Variants in WWOX observed in about 807,000 individuals in gnomAD.
WWOX encodes WW domain containing oxidoreductase, also known as WW domain-containing oxidoreductase.
A neutral mutation model predicts 46.2 loss-of-function variants in WWOX; 69 were observed. That is an observed-to-expected ratio of 1.49 (90% CI 1.23 to 1.82). The LOEUF is 1.82. Ranked by LOEUF, WWOX falls within the 40% of genes most tolerant of loss-of-function variation. The pLI is 0.00. For synonymous variants in WWOX, 359 were observed against 202.6 expected (o/e 1.77, Z -6.56); for missense variants, 919 against 542.6 (o/e 1.69, Z -6.89).
intron 8 of WWOX, among the ~76,000 whole-genome samples, chr16:78,595,395 ACTC>A (rs1452082272): frequency 1.8e-5 from 2 of 112,730 alleles, no homozygotes; most frequent in East Asian, 5.5e-4. Context: ...CAGCCACAAG[ACTC>A]CTGCCTCCCT....
intron 8 of WWOX, among the ~76,000 whole-genome samples, chr16:78,665,231 C>A (rs1031897926): frequency 2.0e-5 from 3 of 152,138 alleles, no homozygotes; most frequent in Non-Finnish European, 4.4e-5. Context: ...GAGTCACGGG[C>A]TGAATTCCGG....
chr16:79,014,437 C>T (rs757818747), intron 8 of WWOX, among the ~76,000 whole-genome samples: 9 of 152,142 alleles, frequency 5.9e-5, no homozygotes, highest in African/African-American at 1.7e-4. Flanking sequence ...TTTCCTGGAT[C>T]GTCCCTCAAT....
At chr16:78,957,710 C>T (rs1218449102) in intron 8 of WWOX, among the ~76,000 whole-genome samples, 1 of 152,164 alleles carries the variant, frequency 6.6e-6, no homozygotes, top group Non-Finnish European at 1.5e-5. Context: ...TGTATGTGAA[C>T]CTCTCCGTTA....
intron 8 of WWOX, among the ~76,000 whole-genome samples, chr16:78,716,495 G>A (rs1302358842): frequency 6.6e-6 from 1 of 152,156 alleles, no homozygotes; most frequent in Non-Finnish European, 1.5e-5. Flanking sequence ...AGAGGAAGAT[G>A]ATGCACTGCT....
rs538678433 is a variant in WWOX, at chr16:78,336,406, T to C, written c.517-50454T>C. The stretch of plus-strand genomic sequence containing the variant: ...CTATAGTCCCAGCTATTTGGGAGGC[T>C]GAGGCAGGAGAATCTCTTGAATCCA... On this transcript the variant is annotated intron_variant, in intron 5 of 8. Transcript: ENST00000566780. 1.3e-4 allele frequency among the ~76,000 whole-genome samples: 19 copies of C among 147,148 alleles called. No homozygotes were observed. The South Asian group carries it at 3.8e-3, about 30-fold the overall frequency.
intron 8 of WWOX, chr16:78,996,096 A>G: frequency 1.7e-6 from 1 of 577,586 alleles, no homozygotes; most frequent in Non-Finnish European, 2.2e-6. Flanking sequence ...AAATGAAATC[A>G]GAACGTGGCC....
intron 8 of WWOX, among the ~76,000 whole-genome samples, chr16:78,903,592 G>C (rs1302281172): frequency 6.6e-6 from 1 of 152,208 alleles, no homozygotes; most frequent in Non-Finnish European, 1.5e-5. Flanking sequence ...GGCGTGGAAA[G>C]TTAAGGGTTT....
At position 78,520,346 on chromosome 16, in the gene WWOX, G is replaced by C. The variant is rs144301112; in HGVS notation, c.1056+87594G>C. ...CTTAAGGATACGCACATTAGAAGGA[G>C]TAATTTGACCAGCCCATCACAGTAT... On this transcript the variant is annotated intron_variant, in intron 8 of 8. Coordinates refer to ENST00000566780, the MANE Select transcript of WWOX (RefSeq NM_016373.4). Among the ~76,000 whole-genome samples the C allele has an allele frequency of 2.6e-5, 4 of 152,288 alleles. No individual in the cohort carries two copies. In the East Asian group the frequency reaches 7.7e-4, roughly 29 times the overall value.
At chr16:78,430,550 C>G (rs556456893) in intron 7 of WWOX, among the ~76,000 whole-genome samples, 50 of 152,200 alleles carry the variant, frequency 3.3e-4, no homozygotes, top group African/African-American at 1.1e-3. Flanking sequence ...ATCTGCCATC[C>G]CTGCTACCAT....
intron 8 of WWOX, among the ~76,000 whole-genome samples, chr16:78,921,873 A>T (rs1286518139): frequency 6.6e-6 from 1 of 152,218 alleles, no homozygotes; most frequent in Non-Finnish European, 1.5e-5. Flanking sequence ...GACTTGTGGC[A>T]CTTAGCAGAA....
At chr16:79,102,087 G>C (rs373012107) in intron 8 of WWOX, among the ~76,000 whole-genome samples, 5 of 130,154 alleles carry the variant, frequency 3.8e-5, no homozygotes, top group Admixed American at 1.5e-4. Context: ...TGGGGAGGGT[G>C]GGGCGGGGGT....
intron 8 of WWOX, among the ~76,000 whole-genome samples, chr16:78,800,109 A>G (rs1471559061): frequency 1.3e-5 from 2 of 152,318 alleles, no homozygotes; most frequent in East Asian, 3.9e-4. Context: ...GTCACGGTTC[A>G]TAAATTTTAT....
At chr16:78,607,314 T>G (rs2151625746) in intron 8 of WWOX, among the ~76,000 whole-genome samples, 1 of 152,330 alleles carries the variant, frequency 6.6e-6, no homozygotes, top group Admixed American at 6.5e-5. Context: ...GGGGCTCCTG[T>G]GAGTACGTAA....
intron 5 of WWOX, among the ~76,000 whole-genome samples, chr16:78,210,330 T>C (rs2036519840): frequency 6.6e-6 from 1 of 152,196 alleles, no homozygotes; most frequent in Non-Finnish European, 1.5e-5. Context: ...TCGATACCAC[T>C]GAGGATTTTT....
chr16:78,484,498 A>G (rs1247103345), intron 8 of WWOX, among the ~76,000 whole-genome samples: 2 of 152,244 alleles, frequency 1.3e-5, no homozygotes, highest in African/African-American at 4.8e-5. Flanking sequence ...CATTACAGTA[A>G]GACTTATTAG....
intron 8 of WWOX, among the ~76,000 whole-genome samples, chr16:79,038,451 A>G (rs2047909881): frequency 1.3e-5 from 2 of 152,222 alleles, no homozygotes; most frequent in African/African-American, 2.4e-5. Flanking sequence ...ATGCACAGAA[A>G]AAAAAGACTG....
intron 6 of WWOX, among the ~76,000 whole-genome samples, chr16:78,408,884 A>G (rs1357631256): frequency 2.0e-5 from 3 of 152,074 alleles, no homozygotes; most frequent in African/African-American, 7.3e-5. Context: ...GAAGGTGGGT[A>G]AGCCCTGGGT....
chr16:79,059,910 C>G (rs931971875), intron 8 of WWOX, among the ~76,000 whole-genome samples: 1 of 152,172 alleles, frequency 6.6e-6, no homozygotes, highest in Non-Finnish European at 1.5e-5. Flanking sequence ...AGTTCAGATT[C>G]TTTTTTTCCT....
intron 5 of WWOX, among the ~76,000 whole-genome samples, chr16:78,321,530 C>G (rs970939724): frequency 6.6e-6 from 1 of 151,572 alleles, no homozygotes; most frequent in Non-Finnish European, 1.5e-5. Context: ...CACGAGAATC[C>G]TTGTCTGATG....
Sources: gnomAD v4.1 joint callset for allele counts (sites outside exome capture counted in the v4.1 genomes callset) on GRCh38, gnomAD v4.1.1 for gene constraint, MANE v1.5 for transcripts, NCBI Gene and HGNC (gene_info 2026-07-23, HGNC 2026-07-21) for gene names.